WDR72: variants seen among roughly 807,000 people sequenced by gnomAD.
The protein encoded by WDR72 is WD repeat-containing protein 72.
In WDR72, 120 loss-of-function variants were observed where a neutral mutation model predicts 124.2. The ratio of observed to expected loss-of-function variants is 0.97; its 90% CI spans 0.83 to 1.12. The LOEUF (loss-of-function observed/expected upper bound fraction) is 1.12, where lower values mean the gene tolerates loss of function less well. Ranked by LOEUF, WDR72 falls within the 50% of genes most tolerant of loss-of-function variation. The probability of loss-of-function intolerance (pLI) is 0.00; values close to 1 mark genes in which losing one functional copy is unlikely to be tolerated. For missense variants in WDR72, 1,387 were observed against 1,278.8 expected (o/e 1.08, Z -1.29); for synonymous variants, 452 against 441.7 (o/e 1.02, Z -0.29).
chr15:53,549,033 A>G (rs1893613491), intron 18 of WDR72, among the ~76,000 whole-genome samples: 1 of 152,206 alleles, frequency 6.6e-6, no homozygotes, highest in African/African-American at 2.4e-5. Context: ...CTAGGTAGGA[A>G]CTATTTCAAA....
intron 3 of WDR72, among the ~76,000 whole-genome samples, chr15:53,718,120 GC>G (rs2017765294): frequency 6.6e-6 from 1 of 152,106 alleles, no homozygotes; most frequent in African/African-American, 2.4e-5. Flanking sequence ...TTTGACTCTA[GC>G]TATGCATCAA....
At chr15:53,659,947 C>T (rs2015553988) in intron 14 of WDR72, among the ~76,000 whole-genome samples, 1 of 151,944 alleles carries the variant, frequency 6.6e-6, no homozygotes, top group South Asian at 2.1e-4. Context: ...AATCAAAATA[C>T]TTAAAACAGA....
At chr15:53,684,877 C>T (rs1348683141) in intron 13 of WDR72, among the ~76,000 whole-genome samples, 1 of 152,240 alleles carries the variant, frequency 6.6e-6, no homozygotes, top group Admixed American at 6.5e-5. Context: ...AAGGGCCAGA[C>T]TGCCTCCTCA....
chr15:53,606,538 A>C (rs2013290576), intron 17 of WDR72, among the ~76,000 whole-genome samples: 1 of 152,234 alleles, frequency 6.6e-6, no homozygotes, highest in Admixed American at 6.5e-5. Flanking sequence ...AGAAGACAAA[A>C]TAAGCAAGCA....
rs1446208930 is a variant in WDR72 at position 53,615,388 on chromosome 15, A to T, written c.2780+38T>A. On this transcript the variant is annotated intron_variant, in intron 15 of 19. Coordinates refer to ENST00000360509, the MANE Select transcript of WDR72 (RefSeq NM_182758.4). ...AATAATGATATATATTTTTAATGTCATAATCTAGTATAGTCAAAATCTCTA... is the reference window on the plus strand; with the variant it reads ...AATAATGATATATATTTTTAATGTCTTAATCTAGTATAGTCAAAATCTCTA... 4 of 1,477,480 alleles carry T rather than the reference A, an allele frequency of 2.7e-6. No individual in the cohort carries two copies. In the Admixed American group the frequency reaches 5.2e-5, roughly 19 times the overall value. 91.5% of individuals were successfully genotyped at this position (1,477,480 alleles called of 1,614,324 possible). A position where few individuals can be genotyped will look rare whatever the true frequency, so the allele number is the denominator to read the frequency against.
rs778428732 is a variant in WDR72, at chr15:53,597,240, T to A, written c.2987A>T (p.Glu996Val). ...CAAACTCTTCATGTGTTGTTGAACT[T>A]CCGCCAAGAGAACAGCTTGTATTGC... ...TEAIQAVLLA[E>V]VQQHMKSLGK... Residue 996 changes from glutamate (E) to valine (V), a missense_variant, in exon 18 of 20, where the codon GAA becomes GTA. By Grantham distance (121) the Glu-to-Val change is moderately radical (BLOSUM62 -2). Coordinates refer to ENST00000360509, the MANE Select transcript of WDR72 (RefSeq NM_182758.4). 1.9e-6 allele frequency: 3 copies of A among 1,613,842 alleles called. No homozygotes were observed. Among genetic ancestry groups the A allele is most frequent in the Non-Finnish European group, 2.5e-6 (3 of 1,179,848 alleles).
In WDR72 at chr15:53,597,059, C is replaced by T. The variant is rs780058874; in HGVS notation, c.3148+20G>A. 6.2e-7 allele frequency: 1 copy of T among 1,611,682 alleles called. No individual in the cohort carries two copies. Among genetic ancestry groups the T allele is most frequent in the South Asian group, 1.1e-5 (1 of 91,034 alleles). ...AGAAAAGTTCTGTTGAAAGAGTATA[C>T]CAATAAATTTTGTACTTACTTTGCA... On this transcript the variant is annotated intron_variant, in intron 18 of 19. Transcript: ENST00000360509.
intron 3 of WDR72, among the ~76,000 whole-genome samples, chr15:53,717,663 G>T (rs2017751208): frequency 6.6e-6 from 1 of 152,134 alleles, no homozygotes; most frequent in Non-Finnish European, 1.5e-5. Context: ...GAACACACTA[G>T]TGGCATCTAG....
intron 13 of WDR72, among the ~76,000 whole-genome samples, chr15:53,673,501 G>C (rs1197815456): frequency 1.3e-5 from 2 of 152,058 alleles, no homozygotes; most frequent in African/African-American, 2.4e-5. Context: ...ATAACTCATG[G>C]TGTCTTTCCA....
At chr15:53,566,771 A>G (rs1894313166) in intron 18 of WDR72, among the ~76,000 whole-genome samples, 1 of 152,032 alleles carries the variant, frequency 6.6e-6, no homozygotes, top group African/African-American at 2.4e-5. Flanking sequence ...GAACTACTTT[A>G]CAAATAAATT....
At chr15:53,573,412 T>G (rs770372936) in intron 18 of WDR72, among the ~76,000 whole-genome samples, 4 of 152,248 alleles carry the variant, frequency 2.6e-5, no homozygotes, top group Non-Finnish European at 4.4e-5. Flanking sequence ...TAATTCTGTA[T>G]GTATTCAAAG....
intron 13 of WDR72, among the ~76,000 whole-genome samples, chr15:53,677,701 C>T (rs12908547): frequency 6.6e-6 from 1 of 152,102 alleles, no homozygotes; most frequent in Non-Finnish European, 1.5e-5. Flanking sequence ...TCCCCAGACA[C>T]GTGGAACTGT....
At chr15:53,726,258 A>ATGTG (rs779537392) in intron 2 of WDR72, among the ~76,000 whole-genome samples, 15,585 of 69,618 alleles carry the variant, frequency 0.22, 1,191 homozygotes, top group Admixed American at 0.29. Flanking sequence ...ATATATATGT[A>ATGTG]TGTGTGTATA....
chr15:53,645,589 T>C (rs1001067381), intron 14 of WDR72, among the ~76,000 whole-genome samples: 1 of 152,170 alleles, frequency 6.6e-6, no homozygotes, highest in African/African-American at 2.4e-5. Context: ...TTTAAAATGA[T>C]GTACTAAGAA....
At chr15:53,540,647 T>C (rs912996879) in intron 18 of WDR72, among the ~76,000 whole-genome samples, 1 of 151,000 alleles carries the variant, frequency 6.6e-6, no homozygotes, top group Admixed American at 6.6e-5. Flanking sequence ...GGAGCCAAGA[T>C]GGCTGAATAC....
intron 7 of WDR72, 47 bp downstream of exon 7, chr15:53,712,725 A>C (rs778875820): frequency 3.2e-6 from 5 of 1,575,294 alleles, no homozygotes; most frequent in Admixed American, 3.5e-5. Flanking sequence ...AAACAAAAAA[A>C]ATTACACTTG....
chr15:53,702,469 C>T, intron 11 of WDR72, 115 bp from the exon 12 acceptor site: 1 of 852,402 alleles, frequency 1.2e-6, no homozygotes, highest in Non-Finnish European at 1.8e-6. Flanking sequence ...TTAAAGCATG[C>T]ACTTGGCTAA....
intron 18 of WDR72, among the ~76,000 whole-genome samples, chr15:53,561,177 T>G (rs1320447912): frequency 6.6e-6 from 1 of 151,848 alleles, no homozygotes; most frequent in Non-Finnish European, 1.5e-5. Flanking sequence ...CCAAAAGGAC[T>G]TCATTTGAAA....
At chr15:53,639,130 T>C (rs78402477) in intron 14 of WDR72, among the ~76,000 whole-genome samples, 2,114 of 152,270 alleles carry the variant, frequency 0.014, 41 homozygotes, top group East Asian at 0.096. Flanking sequence ...ACCTTTTCTT[T>C]CCCTTCTCTG....
Sources: gnomAD v4.1 joint callset for allele counts (sites outside exome capture counted in the v4.1 genomes callset) on GRCh38, gnomAD v4.1.1 for gene constraint, MANE v1.5 for transcripts, NCBI Gene and HGNC (gene_info 2026-07-23, HGNC 2026-07-21) for gene names.